PHTF2: variants seen among roughly 807,000 people sequenced by gnomAD.
PHTF2 encodes protein PHTF2.
Under a neutral mutation model 101.2 loss-of-function variants are expected in PHTF2, and 60 were observed. The ratio of observed to expected loss-of-function variants is 0.59; its 90% CI spans 0.48 to 0.73. The LOEUF (loss-of-function observed/expected upper bound fraction) is 0.73. PHTF2 is among the 30% of genes least tolerant of loss of function. PHTF2 has a pLI of 0.00. For missense variants in PHTF2, 747 were observed against 908.7 expected (o/e 0.82, Z 2.29); for synonymous variants, 311 against 307.3 (o/e 1.01, Z -0.13).
At chr7:77,824,487 G>A (rs1032218925) in intron 1 of PHTF2, among the ~76,000 whole-genome samples, 2 of 152,044 alleles carry the variant, frequency 1.3e-5, no homozygotes, top group Non-Finnish European at 2.9e-5. Context: ...GTGCAGTGGT[G>A]CAATCTCGGC....
intron 1 of PHTF2, among the ~76,000 whole-genome samples, chr7:77,824,392 T>C (rs1794548018): frequency 6.6e-6 from 1 of 152,148 alleles, no homozygotes; most frequent in African/African-American, 2.4e-5. Context: ...TACTTCCTTT[T>C]GTTAGAAATA....
intron 3 of PHTF2, among the ~76,000 whole-genome samples, chr7:77,868,322 ATTTTTTTTTTTT>A (rs761861776): frequency 1.3e-5 from 1 of 78,524 alleles, no homozygotes; most frequent in Non-Finnish European, 2.3e-5. Flanking sequence ...TTAAAAAAAA[ATTTTTTTTTTTT>A]TTTTTTTTTT....
intron 11 of PHTF2, among the ~76,000 whole-genome samples, chr7:77,924,644 G>C (rs891125089): frequency 6.6e-6 from 1 of 152,174 alleles, no homozygotes; most frequent in Non-Finnish European, 1.5e-5. Flanking sequence ...GATGGGATTG[G>C]TGGGTTTTAT....
intron 3 of PHTF2, among the ~76,000 whole-genome samples, chr7:77,862,673 C>G (rs1797740941): frequency 6.6e-6 from 1 of 152,094 alleles, no homozygotes; most frequent in Admixed American, 6.6e-5. Context: ...GGAAAACTAG[C>G]CTGGAATCTT....
chr7:77,940,413 TTA>T, intron 14 of PHTF2, 111 bp downstream of exon 13: 13 of 1,300,636 alleles, frequency 1.0e-5, no homozygotes, highest in Admixed American at 2.5e-5. Flanking sequence ...TAATTATTTT[TTA>T]TTTTGCTTTT....
chr7:77,801,575 A>T (rs1209293872), intron 1 of PHTF2, among the ~76,000 whole-genome samples: 1 of 152,206 alleles, frequency 6.6e-6, no homozygotes, highest in Non-Finnish European at 1.5e-5. Context: ...ACAGAGCAAG[A>T]CACCGTCTCA....
chr7:77,840,365 C>T (rs1795775697), intron 2 of PHTF2, 65 bp downstream of exon 2: 1 of 990,804 alleles, frequency 1.0e-6, no homozygotes, highest in South Asian at 1.3e-5. Flanking sequence ...ATGTTTATTT[C>T]ATGCTATAGA....
intron 9 of PHTF2, among the ~76,000 whole-genome samples, chr7:77,913,747 C>A (rs774355440): frequency 3.9e-5 from 6 of 152,070 alleles, no homozygotes; most frequent in Non-Finnish European, 5.9e-5. Flanking sequence ...CTACACCCAG[C>A]TTTATTAAAT....
At chr7:77,897,007 A>C (rs977835992) in intron 5 of PHTF2, among the ~76,000 whole-genome samples, 2 of 152,180 alleles carry the variant, frequency 1.3e-5, no homozygotes, top group African/African-American at 4.8e-5. Flanking sequence ...CCATTTTAGA[A>C]ATTATAACTA....
At chr7:77,946,579 A>G (rs1430105174) in intron 16 of PHTF2, among the ~76,000 whole-genome samples, 1 of 152,250 alleles carries the variant, frequency 6.6e-6, no homozygotes, top group Non-Finnish European at 1.5e-5. Context: ...ATACAACAAC[A>G]TTTTAAAAAT....
rs529865602 is a variant in PHTF2 at position 77,855,181 on chromosome 7, G to A, written c.147+347G>A. ...GACCCAAGGGGTCTTTAGTCAGCAG[G>A]TGATGAATCATGCCATGGCTGCGTC... On this transcript the variant is annotated intron_variant, in intron 3 of 19. Coordinates refer to ENST00000416283, the Ensembl canonical transcript of PHTF2. Among the ~76,000 whole-genome samples the A allele has an allele frequency of 1.4e-3, 218 of 152,314 alleles. 1 individual carries two copies. Among genetic ancestry groups the A allele is most frequent in the South Asian group, 0.014 (66 of 4,826 alleles).
chr7:77,799,441 C>G (rs1397249204), intron 1 of PHTF2, among the ~76,000 whole-genome samples: 2 of 152,100 alleles, frequency 1.3e-5, no homozygotes, highest in East Asian at 1.9e-4. Context: ...CGGGAGGGGG[C>G]GGCGGCTCGC....
intron 13 of PHTF2, among the ~76,000 whole-genome samples, chr7:77,939,478 T>C (rs951908829): frequency 1.3e-5 from 2 of 150,300 alleles, no homozygotes; most frequent in Admixed American, 6.7e-5. Context: ...CTGGGGGCGG[T>C]GGTGTATACC....
At chr7:77,835,398 A>G (rs1307066658) in intron 1 of PHTF2, among the ~76,000 whole-genome samples, 1 of 152,178 alleles carries the variant, frequency 6.6e-6, no homozygotes, top group Non-Finnish European at 1.5e-5. Context: ...AACACACGCA[A>G]AGTGTCAGGG....
intron 2 of PHTF2, among the ~76,000 whole-genome samples, chr7:77,840,579 T>G (rs190258830): frequency 6.9e-4 from 105 of 152,266 alleles, no homozygotes; most frequent in African/African-American, 2.3e-3. Context: ...ATTAACACTT[T>G]CCTTAGTTTA....
At chr7:77,910,343 C>A (rs1802264812) in exon 9 of PHTF2, 2 of 1,613,640 alleles carry the variant, frequency 1.2e-6, no homozygotes, top group African/African-American at 2.7e-5. Context: ...AACCACGGTA[C>A]AAGCACCTCT....
chr7:77,864,040 A>G (rs1199843178), intron 3 of PHTF2, among the ~76,000 whole-genome samples: 1 of 152,184 alleles, frequency 6.6e-6, no homozygotes, highest in East Asian at 1.9e-4. Flanking sequence ...TCTGCCTCCT[A>G]GAGTGTTGGG....
chr7:77,894,700 C>T (rs1800733897), intron 5 of PHTF2, among the ~76,000 whole-genome samples: 1 of 152,082 alleles, frequency 6.6e-6, no homozygotes, highest in Non-Finnish European at 1.5e-5. Context: ...TTAAGAGAGG[C>T]ATGTCTAAAA....
chr7:77,946,781 A>G (rs1394441764), intron 16 of PHTF2, among the ~76,000 whole-genome samples: 1 of 152,136 alleles, frequency 6.6e-6, no homozygotes, highest in Non-Finnish European at 1.5e-5. Flanking sequence ...TGGCCAGTGG[A>G]CCATAATTTG....
Sources: allele counts gnomAD v4.1 joint callset (sites outside exome capture counted in the v4.1 genomes callset), GRCh38; gene constraint gnomAD v4.1.1; transcripts MANE v1.5; gene names NCBI Gene and HGNC (gene_info 2026-07-23, HGNC 2026-07-21).